MIR2052HG: variants seen among roughly 807,000 people sequenced by gnomAD.
MIR2052HG encodes the protein MIR2052 host gene.
intron 2 of MIR2052HG, among the ~76,000 whole-genome samples, chr8:74,654,766 G>A (rs1808787228): frequency 6.6e-6 from 1 of 152,128 alleles, no homozygotes; most frequent in African/African-American, 2.4e-5. Flanking sequence ...GGAGTAGGGT[G>A]TTCCTGAGAA....
At chr8:74,723,306 G>A (rs1040642188) in intron 4 of MIR2052HG, among the ~76,000 whole-genome samples, 3 of 152,190 alleles carry the variant, frequency 2.0e-5, no homozygotes, top group Non-Finnish European at 2.9e-5. Flanking sequence ...TATCAGTGAT[G>A]CTTTTTTGGC....
At chr8:74,635,050 T>G (rs1808565351) in intron 2 of MIR2052HG, among the ~76,000 whole-genome samples, 1 of 152,092 alleles carries the variant, frequency 6.6e-6, no homozygotes, top group Non-Finnish European at 1.5e-5. Flanking sequence ...CTTATTAGGA[T>G]TTTAGAGAAA....
chr8:74,754,106 C>T (rs1228636736), intron 5 of MIR2052HG, among the ~76,000 whole-genome samples: 1 of 152,158 alleles, frequency 6.6e-6, no homozygotes, highest in Non-Finnish European at 1.5e-5. Context: ...CGCTGCATTT[C>T]CTCGTCTGTA....
chr8:74,643,535 C>G (rs570357365), intron 2 of MIR2052HG, among the ~76,000 whole-genome samples: 1 of 152,216 alleles, frequency 6.6e-6, no homozygotes, highest in Admixed American at 6.5e-5. Flanking sequence ...TGTCAGCTAA[C>G]AAAATGCCTG....
intron 2 of MIR2052HG, among the ~76,000 whole-genome samples, chr8:74,663,538 T>G (rs1808889462): frequency 6.6e-6 from 1 of 152,220 alleles, no homozygotes; most frequent in Admixed American, 6.5e-5. Flanking sequence ...AAAAGATAAG[T>G]CACTTGCAGT....
In MIR2052HG at chr8:74,715,976, C is replaced by G. The variant is rs527599212; in HGVS notation, n.371+12294C>G. Among the ~76,000 whole-genome samples the G allele has an allele frequency of 3.9e-5, 6 of 152,276 alleles. No individual in the cohort carries two copies. The South Asian group carries it at 1.2e-3, about 32-fold the overall frequency. ...GCTGCTGTCTTAGCCTACGTCCCTC[C>G]AGAAATAGACCCTGAATGAAAGAAT... On this transcript the variant is annotated intron_variant and non_coding_transcript_variant, in intron 4 of 6. Transcript: ENST00000523442.
At chr8:74,709,466 G>A (rs1809445389) in intron 4 of MIR2052HG, among the ~76,000 whole-genome samples, 1 of 151,792 alleles carries the variant, frequency 6.6e-6, no homozygotes, top group Non-Finnish European at 1.5e-5. Context: ...GGTAAATGGG[G>A]GAATTACATG....
chr8:74,602,877 T>TCTTTCTTTCTTTCTTTCTTTC (rs1808041121), intron 1 of MIR2052HG, among the ~76,000 whole-genome samples: 4 of 53,792 alleles, frequency 7.4e-5, no homozygotes, highest in Non-Finnish European at 1.4e-4. Flanking sequence ...TTCTTTCTTT[T>TCTTTCTTTCTTTCTTTCTTTC]TTCTATTCAC....
chr8:74,654,703 A>C (rs1021798342), intron 2 of MIR2052HG, among the ~76,000 whole-genome samples: 1 of 152,020 alleles, frequency 6.6e-6, no homozygotes, highest in East Asian at 1.9e-4. Flanking sequence ...CCCAGTCTTG[A>C]GTATGTCTTT....
At chr8:74,645,702 C>A (rs1020617292) in intron 2 of MIR2052HG, among the ~76,000 whole-genome samples, 1 of 152,194 alleles carries the variant, frequency 6.6e-6, no homozygotes, top group African/African-American at 2.4e-5. Context: ...TTACTGGTAG[C>A]AGAATTATCT....
At chr8:74,699,668 C>T (rs2018132) in intron 2 of MIR2052HG, among the ~76,000 whole-genome samples, 35,599 of 151,760 alleles carry the variant, frequency 0.23, 5,328 homozygotes, top group East Asian at 0.64. Context: ...GGATAAAAGA[C>T]GACATATTGG....
At chr8:74,600,559 A>C (rs1586882411) in intron 1 of MIR2052HG, among the ~76,000 whole-genome samples, 2 of 145,310 alleles carry the variant, frequency 1.4e-5, no homozygotes, top group Non-Finnish European at 1.5e-5. Flanking sequence ...CAAGAGCAAA[A>C]CTCCCTCTCA....
At chr8:74,748,467 C>T (rs1042814744) in intron 4 of MIR2052HG, among the ~76,000 whole-genome samples, 8 of 152,148 alleles carry the variant, frequency 5.3e-5, no homozygotes, top group Non-Finnish European at 8.8e-5. Flanking sequence ...ATATACGTGT[C>T]CAAGGATCTC....
intron 4 of MIR2052HG, among the ~76,000 whole-genome samples, chr8:74,742,864 A>G (rs1432986566): frequency 6.6e-6 from 1 of 152,184 alleles, no homozygotes; most frequent in African/African-American, 2.4e-5. Flanking sequence ...AGAGATCTGT[A>G]AAAGGATTTG....
chr8:74,611,927 G>A (rs1363245753), intron 1 of MIR2052HG, among the ~76,000 whole-genome samples: 1 of 152,198 alleles, frequency 6.6e-6, no homozygotes, highest in African/African-American at 2.4e-5. Context: ...AAAGTTACAT[G>A]AACCAAATTT....
intron 1 of MIR2052HG, among the ~76,000 whole-genome samples, chr8:74,600,630 C>T (rs899085714): frequency 5.3e-5 from 8 of 151,418 alleles, no homozygotes; most frequent in African/African-American, 7.3e-5. Flanking sequence ...GGCTGGAGTG[C>T]GGTGGCACAA....
At chr8:74,602,156 A>T (rs1456046759) in intron 1 of MIR2052HG, among the ~76,000 whole-genome samples, 1 of 152,224 alleles carries the variant, frequency 6.6e-6, no homozygotes, top group Admixed American at 6.5e-5. Context: ...CTGATAAAAC[A>T]GGATGTGGTA....
At position 74,607,391 on chromosome 8, in the gene MIR2052HG, C is replaced by G. The variant is rs921790554; in HGVS notation, n.129-5462C>G. Among the ~76,000 whole-genome samples, 12 of 152,292 alleles carry G rather than the reference C, an allele frequency of 7.9e-5. No homozygotes were observed. In the East Asian group the frequency reaches 2.3e-3, roughly 29 times the overall value. ...CTTTGAGAGGCCGAGGTGGGTGGAT[C>G]ACCTGAGGTCAGGAGTTTGAGACTA... On this transcript the variant is annotated intron_variant and non_coding_transcript_variant, in intron 1 of 6. Coordinates refer to ENST00000523442, the Ensembl canonical transcript of MIR2052HG.
intron 2 of MIR2052HG, among the ~76,000 whole-genome samples, chr8:74,624,646 A>G (rs1808410954): frequency 1.3e-5 from 2 of 152,234 alleles, no homozygotes; most frequent in African/African-American, 4.8e-5. Flanking sequence ...AATGCATTTG[A>G]TCAACCTGCT....
Sources: allele counts gnomAD v4.1 joint callset (sites outside exome capture counted in the v4.1 genomes callset), GRCh38; gene constraint gnomAD v4.1.1; transcripts MANE v1.5; gene names NCBI Gene and HGNC (gene_info 2026-07-23, HGNC 2026-07-21).